Variants in DNER observed in about 807,000 individuals in gnomAD.
DNER encodes delta and Notch-like epidermal growth factor-related receptor.
Under a neutral mutation model 78.2 loss-of-function variants are expected in DNER, and 33 were observed. That is an observed-to-expected ratio of 0.42 (90% CI 0.32 to 0.56). The LOEUF (loss-of-function observed/expected upper bound fraction) is 0.56, where lower values mean the gene tolerates loss of function less well. Ranked by LOEUF, DNER falls within the 20% of genes least tolerant of loss-of-function variation. DNER has a pLI of 0.11. For missense variants in DNER, 918 were observed against 975.3 expected, an observed-to-expected ratio of 0.94 and a Z score of 0.78; for synonymous variants, 417 against 384.8, an observed-to-expected ratio of 1.08 and a Z score of -0.98.
chr2:229,682,565 G>A (rs1452725800), intron 1 of DNER, among the ~76,000 whole-genome samples: 1 of 152,190 alleles, frequency 6.6e-6, no homozygotes, highest in Non-Finnish European at 1.5e-5. Context: ...AAAAGATAAA[G>A]GGCCAGGTGC....
At chr2:229,505,719 CAAAT>C (rs1439606362) in intron 6 of DNER, among the ~76,000 whole-genome samples, 2 of 152,144 alleles carry the variant, frequency 1.3e-5, no homozygotes, top group East Asian at 3.8e-4. Flanking sequence ...TAACTCTAAG[CAAAT>C]TATACACGTT....
chr2:229,547,236 G>T, intron 4 of DNER, 144 bp from the exon 5 acceptor site: 1 of 1,183,844 alleles, frequency 8.4e-7, no homozygotes, highest in Non-Finnish European at 1.2e-6. Context: ...ATGCAGTGAG[G>T]CAAGGGAATA....
chr2:229,654,072 T>C (rs1279766143), intron 1 of DNER, among the ~76,000 whole-genome samples: 3 of 152,114 alleles, frequency 2.0e-5, no homozygotes, highest in Admixed American at 1.3e-4. Context: ...ACCCATTAAC[T>C]TATCATTTAC....
chr2:229,496,434 G>C (rs768309182), intron 6 of DNER, among the ~76,000 whole-genome samples: 3 of 152,196 alleles, frequency 2.0e-5, no homozygotes, highest in Middle Eastern at 3.4e-3. Flanking sequence ...TAAACAAAAA[G>C]AGAGTAGTAA....
At chr2:229,699,613 C>T (rs1266599001) in intron 1 of DNER, among the ~76,000 whole-genome samples, 1 of 152,188 alleles carries the variant, frequency 6.6e-6, no homozygotes, top group African/African-American at 2.4e-5. Flanking sequence ...GATCCACCCA[C>T]CCCACCTTCC....
intron 1 of DNER, among the ~76,000 whole-genome samples, chr2:229,700,736 A>T (rs913973976): frequency 4.0e-5 from 6 of 151,632 alleles, no homozygotes; most frequent in African/African-American, 1.5e-4. Context: ...AACACGGTGA[A>T]ACCCCATCTC....
intron 1 of DNER, among the ~76,000 whole-genome samples, chr2:229,698,350 C>A (rs1214526229): frequency 1.3e-5 from 2 of 152,128 alleles, no homozygotes. Context: ...ATCATTTTTC[C>A]AAATATACAG....
intron 11 of DNER, among the ~76,000 whole-genome samples, chr2:229,376,735 C>T (rs1223054315): frequency 6.6e-6 from 1 of 152,132 alleles, no homozygotes; most frequent in Admixed American, 6.6e-5. Flanking sequence ...AAAATAGGAA[C>T]TTATCTATTG....
intron 5 of DNER, among the ~76,000 whole-genome samples, chr2:229,536,814 C>T (rs917398231): frequency 6.6e-6 from 1 of 152,160 alleles, no homozygotes; most frequent in Admixed American, 6.5e-5. Context: ...AGTGTGAAAT[C>T]GGGCCACACA....
chr2:229,461,436 T>C (rs1187363172), intron 7 of DNER, among the ~76,000 whole-genome samples: 4 of 151,912 alleles, frequency 2.6e-5, no homozygotes, highest in Non-Finnish European at 5.9e-5. Flanking sequence ...CCTTATAGAA[T>C]ATGCAAATTA....
At chr2:229,387,564 AAAG>A (rs1270384277) in intron 11 of DNER, among the ~76,000 whole-genome samples, 1 of 146,824 alleles carries the variant, frequency 6.8e-6, no homozygotes, top group Non-Finnish European at 1.5e-5. Context: ...AGAAAGAAAG[AAAG>A]AAAAGAAAGA....
intron 6 of DNER, among the ~76,000 whole-genome samples, chr2:229,483,805 C>T (rs892148659): frequency 1.3e-5 from 2 of 152,150 alleles, no homozygotes; most frequent in Non-Finnish European, 2.9e-5. Context: ...GCTCAGACCT[C>T]AGGCTTTTTG....
chr2:229,418,757 T>TA (rs1446938943), intron 8 of DNER, among the ~76,000 whole-genome samples: 3 of 150,566 alleles, frequency 2.0e-5, no homozygotes, highest in Non-Finnish European at 4.4e-5. Flanking sequence ...CTGTCTCTAC[T>TA]AAAAATACAA....
intron 1 of DNER, among the ~76,000 whole-genome samples, chr2:229,596,298 T>C (rs866498815): frequency 6.6e-6 from 1 of 152,270 alleles, no homozygotes; most frequent in Non-Finnish European, 1.5e-5. Context: ...GTCTCAGGTC[T>C]TGAGAACATA....
At chr2:229,705,405 C>A (rs1467151123) in intron 1 of DNER, among the ~76,000 whole-genome samples, 1 of 152,152 alleles carries the variant, frequency 6.6e-6, no homozygotes, top group Non-Finnish European at 1.5e-5. Flanking sequence ...TTCTCAAATC[C>A]TGTTTTTCAA....
intron 3 of DNER, chr2:229,586,970 C>T (rs2154214488): frequency 2.0e-6 from 2 of 985,404 alleles, no homozygotes; most frequent in South Asian, 4.7e-5. Context: ...AATTCAGTGC[C>T]CTCAGGTCAT....
At chr2:229,537,670 G>A (rs1696433739) in intron 5 of DNER, among the ~76,000 whole-genome samples, 1 of 152,066 alleles carries the variant, frequency 6.6e-6, no homozygotes, top group African/African-American at 2.4e-5. Context: ...CTGTCCGCAT[G>A]GGACATACAT....
Position 229,669,369 on chromosome 2 carries a change from C to CATATATATATATATATATAT in DNER, c.276+44778_276+44779insATATATATATATATATATAT, listed in dbSNP as rs58371383. 6.9e-3 allele frequency among the ~76,000 whole-genome samples: 991 copies of CATATATATATATATATATAT among 144,556 alleles called. 13 individuals carry two copies. The highest frequency in any genetic ancestry group is 0.026 in the Admixed American group (376 of 14,260). 94.8% of individuals were successfully genotyped at this position (144,556 alleles called of 152,430 possible). A position where few individuals can be genotyped will look rare whatever the true frequency, so the allele number is the denominator to read the frequency against. ...ATCCCAGAACTTTTATGTATACATA[C>CATATATATATATATATATAT]ATATATATATATATATATAAAAGAA... On this transcript the variant is annotated intron_variant, in intron 1 of 12. Transcript: ENST00000341772.
chr2:229,405,757 T>G (rs1693365840), intron 10 of DNER, among the ~76,000 whole-genome samples: 1 of 152,204 alleles, frequency 6.6e-6, no homozygotes, highest in Admixed American at 6.5e-5. Context: ...GATATCAGAA[T>G]GTATCAAAAT....
Sources: allele counts gnomAD v4.1 joint callset (sites outside exome capture counted in the v4.1 genomes callset), GRCh38; gene constraint gnomAD v4.1.1; transcripts MANE v1.5; gene names NCBI Gene and HGNC (gene_info 2026-07-23, HGNC 2026-07-21).